FTO: variants seen among roughly 807,000 people sequenced by gnomAD.
FTO encodes alpha-ketoglutarate-dependent dioxygenase FTO.
FTO carries 47 observed loss-of-function variants against 63.9 expected under a neutral mutation model. The ratio of observed to expected loss-of-function variants is 0.74; its 90% CI spans 0.58 to 0.94. FTO has a LOEUF of 0.94. FTO is among the 40% of genes least tolerant of loss of function. The pLI, the probability that FTO is intolerant of heterozygous loss-of-function variation, is 0.00. For missense variants in FTO, 562 were observed against 618.1 expected (o/e 0.91, Z 0.96); for synonymous variants, 207 against 224.4 (o/e 0.92, Z 0.69).
At chr16:53,858,558 C>G (rs1199424854) in intron 4 of FTO, among the ~76,000 whole-genome samples, 1 of 152,104 alleles carries the variant, frequency 6.6e-6, no homozygotes, top group African/African-American at 2.4e-5. Flanking sequence ...TCCTTCTCCC[C>G]TTTTTTTAGA....
intron 8 of FTO, among the ~76,000 whole-genome samples, chr16:54,059,959 T>A (rs1241208488): frequency 6.6e-6 from 1 of 152,180 alleles, no homozygotes; most frequent in Non-Finnish European, 1.5e-5. Flanking sequence ...AAACGTGTTT[T>A]AAAAAAATAC....
In FTO at chr16:54,115,796, A is replaced by G. The variant is rs1267582088; in HGVS notation, c.*3881A>G. ...GTAACTTGGTGAGATATTTTTATGC[A>G]TTAGATCATCGCTCTATCTGGATTC... is the stretch of plus-strand genomic sequence containing the variant. On this transcript the variant is annotated 3_prime_UTR_variant, in exon 9 of 9. Coordinates refer to ENST00000471389, the MANE Select transcript of FTO (RefSeq NM_001080432.3). The G allele has an allele frequency of 6.6e-6, 1 of 152,256 alleles. No homozygotes were observed. Among genetic ancestry groups the G allele is most frequent in the African/African-American group, 2.4e-5 (1 of 41,446 alleles). 9.4% of individuals were successfully genotyped at this position (152,256 alleles called of 1,614,324 possible). A position where few individuals can be genotyped will look rare whatever the true frequency, so the allele number is the denominator to read the frequency against.
intron 8 of FTO, among the ~76,000 whole-genome samples, chr16:53,988,331 G>C (rs376784454): frequency 6.6e-6 from 1 of 152,152 alleles, no homozygotes; most frequent in African/African-American, 2.4e-5. Context: ...TGATTGTTCA[G>C]TGCCAAGACA....
chr16:53,866,319 A>G (rs1473195241), intron 4 of FTO, among the ~76,000 whole-genome samples: 1 of 152,110 alleles, frequency 6.6e-6, no homozygotes, highest in African/African-American at 2.4e-5. Context: ...GGATTTTTGC[A>G]TCTATGCTTA....
At chr16:53,813,788 A>G (rs1282408403) in intron 2 of FTO, among the ~76,000 whole-genome samples, 1 of 152,122 alleles carries the variant, frequency 6.6e-6, no homozygotes, top group East Asian at 1.9e-4. Context: ...ATGCTCTCAC[A>G]TGCAATCCCC....
intron 8 of FTO, among the ~76,000 whole-genome samples, chr16:54,048,666 T>A (rs1373170523): frequency 2.0e-5 from 3 of 152,194 alleles, no homozygotes; most frequent in Admixed American, 2.0e-4. Context: ...CCATCCCAAT[T>A]CTGGTCGGCC....
chr16:53,758,683 A>AT (rs1426501946), intron 1 of FTO, among the ~76,000 whole-genome samples: 4 of 152,202 alleles, frequency 2.6e-5, no homozygotes, highest in Non-Finnish European at 5.9e-5. Flanking sequence ...CTCAAATAGG[A>AT]ATGACAAAAT....
chr16:53,787,433 CA>C (rs1307415467), intron 1 of FTO, among the ~76,000 whole-genome samples: 15 of 151,644 alleles, frequency 9.9e-5, no homozygotes, highest in African/African-American at 3.4e-4. Context: ...TGCTACCACT[CA>C]TTTTACAGAT....
intron 4 of FTO, among the ~76,000 whole-genome samples, chr16:53,855,974 T>TG (rs1157367148): frequency 3.3e-5 from 5 of 152,232 alleles, no homozygotes; most frequent in Non-Finnish European, 7.3e-5. Flanking sequence ...CACCCTGTTT[T>TG]GGGGTAATTC....
intron 8 of FTO, chr16:54,054,487 T>C (rs2085384890): frequency 6.6e-6 from 1 of 152,172 alleles, no homozygotes; most frequent in South Asian, 2.1e-4. Flanking sequence ...ATTCAGCCGG[T>C]ATAAGACTGG....
intron 4 of FTO, among the ~76,000 whole-genome samples, chr16:53,851,287 A>AAG (rs2079787385): frequency 2.8e-5 from 2 of 71,186 alleles, no homozygotes; most frequent in African/African-American, 1.9e-4. Flanking sequence ...ACCTCTACTA[A>AAG]AAAAAAAAAA....
intron 8 of FTO, among the ~76,000 whole-genome samples, chr16:54,078,307 G>A (rs2086049949): frequency 6.7e-6 from 1 of 148,336 alleles, no homozygotes; most frequent in Admixed American, 6.8e-5. Flanking sequence ...TTTGAAGTGT[G>A]TGTGTGTAAA....
chr16:53,720,652 A>G (rs963811553), intron 1 of FTO, among the ~76,000 whole-genome samples: 2 of 147,726 alleles, frequency 1.4e-5, no homozygotes, highest in Admixed American at 1.4e-4. Context: ...AAATATATAT[A>G]TATCTTTTAT....
intron 1 of FTO, among the ~76,000 whole-genome samples, chr16:53,713,631 G>A (rs2075827366): frequency 6.6e-6 from 1 of 152,130 alleles, no homozygotes; most frequent in Non-Finnish European, 1.5e-5. Flanking sequence ...GTTTCCAAAC[G>A]TTTGTCCTTG....
At chr16:53,744,115 G>A (rs1214214058) in intron 1 of FTO, among the ~76,000 whole-genome samples, 3 of 152,174 alleles carry the variant, frequency 2.0e-5, no homozygotes, top group African/African-American at 7.2e-5. Flanking sequence ...ATTACAAATT[G>A]TATACACTCA....
rs140985269 is a variant in FTO at position 53,800,305 on chromosome 16, T to G, written c.46-9835T>G. ...ATTTAGTTTTCAAATATTTGGGGAT[T>G]TTCTAGATGTATATCTGTTATTATT... is the stretch of plus-strand genomic sequence containing the variant. On this transcript the variant is annotated intron_variant, in intron 1 of 8. Coordinates refer to ENST00000471389, the MANE Select transcript of FTO (RefSeq NM_001080432.3). Among the ~76,000 whole-genome samples, 5 of 152,326 alleles carry G rather than the reference T, an allele frequency of 3.3e-5. No homozygotes were observed. In the East Asian group the frequency reaches 9.6e-4, roughly 29 times the overall value.
intron 7 of FTO, among the ~76,000 whole-genome samples, chr16:53,930,521 C>T (rs1014110367): frequency 6.6e-6 from 1 of 151,842 alleles, no homozygotes; most frequent in African/African-American, 2.4e-5. Flanking sequence ...CCGCGCCAGG[C>T]CAATTATCTT....
chr16:53,758,477 C>G (rs1279348793), intron 1 of FTO, among the ~76,000 whole-genome samples: 1 of 152,106 alleles, frequency 6.6e-6, no homozygotes, highest in Non-Finnish European at 1.5e-5. Context: ...GGGAAGCTGA[C>G]CAGCCCAATA....
intron 1 of FTO, among the ~76,000 whole-genome samples, chr16:53,732,956 G>A (rs948442516): frequency 2.6e-5 from 4 of 152,344 alleles, no homozygotes; most frequent in Non-Finnish European, 2.9e-5. Context: ...GTGAAGCCAC[G>A]AAGGGCCTTA....
Sources: gnomAD v4.1 joint callset for allele counts (sites outside exome capture counted in the v4.1 genomes callset) on GRCh38, gnomAD v4.1.1 for gene constraint, MANE v1.5 for transcripts, NCBI Gene and HGNC (gene_info 2026-07-23, HGNC 2026-07-21) for gene names.